Variants in CSMD2 observed in about 807,000 individuals in gnomAD.
CSMD2 encodes CUB and sushi domain-containing protein 2.
CSMD2 carries 130 observed loss-of-function variants against 398.5 expected under a neutral mutation model. That is an observed-to-expected ratio of 0.33 (90% CI 0.28 to 0.38). The LOEUF (loss-of-function observed/expected upper bound fraction) is 0.38, where lower values mean the gene tolerates loss of function less well. CSMD2 is among the 10% of genes least tolerant of loss of function. CSMD2 has a pLI of 1.00. For synonymous variants in CSMD2, 1,828 were observed against 1,908.5 expected (o/e 0.96, Z 1.10); for missense variants, 3,829 against 4,764.9 (o/e 0.80, Z 5.78).
chr1:34,147,479 A>C (rs1571265374), intron 1 of CSMD2, among the ~76,000 whole-genome samples: 1 of 151,774 alleles, frequency 6.6e-6, no homozygotes, highest in Non-Finnish European at 1.5e-5. Context: ...AGATGCTTGG[A>C]TTTAGTAAAC....
At chr1:33,698,142 G>T (rs1645484269) in intron 24 of CSMD2, among the ~76,000 whole-genome samples, 1 of 152,220 alleles carries the variant, frequency 6.6e-6, no homozygotes, top group Non-Finnish European at 1.5e-5. Context: ...TTCTGCCTCA[G>T]ATCACTGTCT....
At chr1:34,028,238 C>G (rs943853183) in intron 3 of CSMD2, among the ~76,000 whole-genome samples, 9 of 152,016 alleles carry the variant, frequency 5.9e-5, no homozygotes, top group Admixed American at 4.6e-4. Flanking sequence ...GGAGGCTGAA[C>G]CCAGGAGGTC....
At chr1:34,075,067 T>G (rs1478934) in intron 2 of CSMD2, among the ~76,000 whole-genome samples, 1 of 152,232 alleles carries the variant, frequency 6.6e-6, no homozygotes. Flanking sequence ...GTTGTGTCTC[T>G]GATACCTGGC....
At chr1:33,755,895 T>G (rs1346674872) in intron 13 of CSMD2, among the ~76,000 whole-genome samples, 1 of 152,130 alleles carries the variant, frequency 6.6e-6, no homozygotes. Flanking sequence ...CTTAGACACC[T>G]GGCTTGTACA....
chr1:33,579,376 G>A (rs1459819611), intron 48 of CSMD2, among the ~76,000 whole-genome samples: 1 of 152,064 alleles, frequency 6.6e-6, no homozygotes, highest in Non-Finnish European at 1.5e-5. Context: ...ACTGACATTG[G>A]GGCACTCAGT....
chr1:33,521,522 A>T lies in CSMD2; in HGVS notation c.10538T>A (p.Phe3513Tyr), dbSNP rs1408090837. The T allele has an allele frequency of 1.9e-6, 3 of 1,612,848 alleles. No homozygotes were observed. Among genetic ancestry groups the T allele is most frequent in the Non-Finnish European group, 2.5e-6 (3 of 1,179,138 alleles). The change falls in exon 68 of 71, where the codon TTC becomes TAC. Residue 3513 changes from phenylalanine (F) to tyrosine (Y), a missense_variant. This residue lies in a region of CSMD2 where 917 missense variants were observed against 1,199.5 expected (regional missense o/e 0.76). Transcript: ENST00000373381. ...GCCCTTGACAGAGCCTTGGTAGATG[A>T]AGGTGGCTCCGGAGGACTCTGACGA... ...HVSSESSGAT[F>Y]IYQGSVKGQG...
In CSMD2 at chr1:34,013,904, C is replaced by T. The variant is rs115472028; in HGVS notation, c.517+18690G>A. ...CAGCTGCCTACCCACCAGTTCCTCC[C>T]ATATTCCTGGCAGGCTTCTCACACC... On this transcript the variant is annotated intron_variant, in intron 3 of 70. Transcript: ENST00000373381. 1.6e-3 allele frequency among the ~76,000 whole-genome samples: 244 copies of T among 152,268 alleles called. 1 individual carries two copies. Among genetic ancestry groups the T allele is most frequent in the African/African-American group, 5.2e-3 (215 of 41,546 alleles).
chr1:33,950,022 A>C (rs2125365616), intron 3 of CSMD2, among the ~76,000 whole-genome samples: 1 of 152,032 alleles, frequency 6.6e-6, no homozygotes, highest in South Asian at 2.1e-4. Flanking sequence ...CCAAGCTGAG[A>C]CCTCATCTGG....
Position 33,605,372 on chromosome 1 carries a change from G to A in CSMD2, c.6442C>T (p.Leu2148Phe). ...NVGQSVTFECLPGYQLTGHPV... is the reference protein window; with the variant it reads ...NVGQSVTFECFPGYQLTGHPV... ...TGGCCAGTCAATTGATACCCCGGGA[G>A]GCACTCGAAGGTCACTGATTGTCCC... Residue 2148 changes from leucine to phenylalanine, a missense_variant, in exon 42 of 71, where the codon CTC (leucine) becomes TTC (phenylalanine). Transcript: ENST00000373381. 1 of 1,614,206 alleles carries A rather than the reference G, an allele frequency of 6.2e-7. No homozygotes were observed. The highest frequency in any genetic ancestry group is 8.5e-7 in the Non-Finnish European group (1 of 1,180,030).
Position 34,140,297 on chromosome 1 carries a change from A to C in CSMD2, c.187+24614T>G, listed in dbSNP as rs541022467. On this transcript the variant is annotated intron_variant, in intron 1 of 70. Transcript: ENST00000373381. ...AGACAGAGGAATCGGCATATGCAAA[A>C]AAACAAACAAACAAACAAACAAAAA... Among the ~76,000 whole-genome samples the C allele has an allele frequency of 1.8e-3, 203 of 112,484 alleles. 1 individual carries two copies. Among genetic ancestry groups the C allele is most frequent in the African/African-American group, 5.1e-3 (184 of 35,806 alleles). The allele number at this position is 112,484 out of a possible 152,430, so 73.8% of individuals were successfully genotyped here.
intron 2 of CSMD2, among the ~76,000 whole-genome samples, chr1:34,050,991 C>G (rs182783698): frequency 2.4e-4 from 36 of 152,228 alleles, no homozygotes; most frequent in African/African-American, 7.9e-4. Flanking sequence ...GACTGCTACC[C>G]GGGCACTTTG....
chr1:33,940,399 G>A (rs964750914), intron 3 of CSMD2, among the ~76,000 whole-genome samples: 2 of 152,062 alleles, frequency 1.3e-5, no homozygotes, highest in African/African-American at 4.8e-5. Context: ...TCATCACAGG[G>A]CTGTTGCGCA....
Position 33,624,994 on chromosome 1 carries a change from G to A in CSMD2, c.5500+57C>T, listed in dbSNP as rs1642015153. On this transcript the variant is annotated intron_variant, in intron 34 of 70. Transcript: ENST00000373381. The surrounding 1 kb of genome is among the most constrained non-coding windows in gnomAD (Gnocchi z 4.7). ...ACTGGGGCTGACTGCCTCCCCTACA[G>A]AGAAAGGACTACGTGCCGCCCCCCG... is the stretch of plus-strand genomic sequence containing the variant. 5 of 1,551,260 alleles carry A rather than the reference G, an allele frequency of 3.2e-6. No individual in the cohort carries two copies. In the South Asian group the frequency reaches 4.5e-5, roughly 14 times the overall value.
intron 2 of CSMD2, among the ~76,000 whole-genome samples, chr1:34,052,568 C>A (rs1167054016): frequency 1.3e-5 from 2 of 148,780 alleles, no homozygotes; most frequent in Non-Finnish European, 3.0e-5. Flanking sequence ...CCTATAGGAT[C>A]TATTGAGTAT....
chr1:34,068,734 G>A (rs571678985), intron 2 of CSMD2, among the ~76,000 whole-genome samples: 9 of 152,144 alleles, frequency 5.9e-5, no homozygotes, highest in Non-Finnish European at 1.2e-4. Flanking sequence ...CCACGTGTTG[G>A]GGTAGGAACC....
At chr1:34,091,947 G>C (rs542953552) in intron 1 of CSMD2, among the ~76,000 whole-genome samples, 54 of 152,224 alleles carry the variant, frequency 3.5e-4, no homozygotes, top group Middle Eastern at 3.4e-3. Flanking sequence ...ATTATGGTTT[G>C]TAGATGATAC....
At chr1:33,882,854 C>T (rs932638375) in intron 5 of CSMD2, among the ~76,000 whole-genome samples, 1 of 152,132 alleles carries the variant, frequency 6.6e-6, no homozygotes, top group Non-Finnish European at 1.5e-5. Flanking sequence ...TCTCTTCCTC[C>T]TTTTCTTCCC....
At position 33,798,725 on chromosome 1, in the gene CSMD2, G is replaced by A. The variant is rs186145986; in HGVS notation, c.1447-6199C>T. 1.2e-3 allele frequency among the ~76,000 whole-genome samples: 189 copies of A among 152,348 alleles called. 1 individual carries two copies. Among genetic ancestry groups the A allele is most frequent in the African/African-American group, 4.4e-3 (183 of 41,582 alleles). ...CAGTGGAGGCTGATGCAGGGTCCAA[G>A]AGCATGAGGAGAAATTAGGGGGTGT... On this transcript the variant is annotated intron_variant, in intron 10 of 70. Coordinates refer to ENST00000373381, the MANE Select transcript of CSMD2 (RefSeq NM_001281956.2).
Position 33,625,135 on chromosome 1 carries a change from C to T in CSMD2, c.5416G>A (p.Ala1806Thr). ...TCGATCTCTGGCGACCCCTGCAGGG[C>T]ATAGCCGGAGTTGCATTCGAAGCGG... ...IVRFECNSGY[A>T]LQGSPEIECL... Residue 1806 changes from alanine (A) to threonine (T), a missense_variant, in exon 34 of 71, where the codon GCC becomes ACC. Ala to Thr is a moderately conservative substitution (Grantham distance 58). Coordinates refer to ENST00000373381, the MANE Select transcript of CSMD2 (RefSeq NM_001281956.2). 1.2e-6 allele frequency: 2 copies of T among 1,614,116 alleles called. No individual in the cohort carries two copies. Among genetic ancestry groups the T allele is most frequent in the Non-Finnish European group, 1.7e-6 (2 of 1,180,006 alleles).
Sources: gnomAD v4.1 joint callset for allele counts (sites outside exome capture counted in the v4.1 genomes callset) on GRCh38, gnomAD v4.1.1 for gene constraint, gnomAD v4.1.1 regional missense constraint, Gnocchi (gnomAD v3.1) non-coding constraint, MANE v1.5 for transcripts, NCBI Gene and HGNC (gene_info 2026-07-23, HGNC 2026-07-21) for gene names.